EBF2: variants seen among roughly 807,000 people sequenced by gnomAD.
EBF2 encodes the protein EBF transcription factor 2.
In EBF2, 21 loss-of-function variants were observed where a neutral mutation model predicts 72.8. The ratio of observed to expected loss-of-function variants is 0.29; its 90% CI spans 0.20 to 0.42. The LOEUF is 0.42. EBF2 is among the 10% of genes least tolerant of loss of function. EBF2 has a pLI of 1.00. For synonymous variants in EBF2, 299 were observed against 274.2 expected, an observed-to-expected ratio of 1.09 and a Z score of -0.89; for missense variants, 637 against 731.2, an observed-to-expected ratio of 0.87 and a Z score of 1.49.
intron 7 of EBF2, among the ~76,000 whole-genome samples, chr8:25,896,499 T>G (rs1802866055): frequency 6.6e-6 from 1 of 152,192 alleles, no homozygotes; most frequent in Non-Finnish European, 1.5e-5. Context: ...GGAAAAAAAA[T>G]TCTTTATGAC....
chr8:25,876,094 G>A (rs373056554), intron 10 of EBF2, among the ~76,000 whole-genome samples: 39 of 152,332 alleles, frequency 2.6e-4, no homozygotes, highest in African/African-American at 8.9e-4. Flanking sequence ...AAAGGAATGA[G>A]AGCATGTCAT....
intron 10 of EBF2, among the ~76,000 whole-genome samples, chr8:25,866,852 G>A (rs750482526): frequency 1.3e-5 from 2 of 151,376 alleles, no homozygotes; most frequent in African/African-American, 2.4e-5. Flanking sequence ...CGCTGGTCAC[G>A]AACTCCTGAC....
intron 10 of EBF2, among the ~76,000 whole-genome samples, chr8:25,871,305 A>T (rs990143719): frequency 6.6e-6 from 1 of 152,186 alleles, no homozygotes. Context: ...AACTGCCATC[A>T]TCAGTGTTAA....
At position 25,928,220 on chromosome 8, in the gene EBF2, C is replaced by T. The variant is rs1354526073; in HGVS notation, c.552-19665G>A. Among the ~76,000 whole-genome samples the T allele has an allele frequency of 2.0e-5, 3 of 152,156 alleles. No individual in the cohort carries two copies. In the East Asian group the frequency reaches 5.8e-4, roughly 29 times the overall value. ...TGTGGATTCCTGAGACATGTACCCA[C>T]TCTCTTTAGACTGTTGCCATCTAAG... On this transcript the variant is annotated intron_variant, in intron 6 of 15. Transcript: ENST00000520164.
chr8:25,908,488 T>C lies in EBF2; in HGVS notation c.619A>G (p.Met207Val). 3 of 1,613,544 alleles carry C rather than the reference T, an allele frequency of 1.9e-6. No individual in the cohort carries two copies. Among genetic ancestry groups the C allele is most frequent in the South Asian group, 2.2e-5 (2 of 91,012 alleles). Reference protein sequence around the residue: ...CLKTAGNPRDMRRFQVVLSTT... With the variant: ...CLKTAGNPRDVRRFQVVLSTT... ...GGGCCCCTTACCTGAAACCGTCTCA[T>C]GTCCCTTGGGTTTCCTGCTGTTTTC... is the stretch of plus-strand genomic sequence containing the variant. The change falls in exon 7 of 16, where the codon ATG (methionine) becomes GTG (valine). Residue 207 changes from methionine (M) to valine (V), a missense_variant. Transcript: ENST00000520164.
At chr8:26,032,957 G>T in intron 6 of EBF2, 128 bp downstream of exon 6, 1 of 828,898 alleles carries the variant, frequency 1.2e-6, no homozygotes, top group East Asian at 2.5e-5. Context: ...GCCTTTGTTG[G>T]ATGAGCTTAG....
chr8:25,947,277 T>G (rs1803785983), intron 6 of EBF2, among the ~76,000 whole-genome samples: 1 of 152,172 alleles, frequency 6.6e-6, no homozygotes, highest in South Asian at 2.1e-4. Flanking sequence ...AAAGGAGAGT[T>G]CCCCTGCACA....
In EBF2 at chr8:25,868,363, T is replaced by C. The variant is rs143558366; in HGVS notation, c.1010-5566A>G. ...TTAATGTCTTATTTCATCTATCTTT[T>C]TGATCACTTTAACACATCCATTTTT... On this transcript the variant is annotated intron_variant, in intron 10 of 15. Transcript: ENST00000520164. Among the ~76,000 whole-genome samples, 382 of 152,378 alleles carry C rather than the reference T, an allele frequency of 2.5e-3. 4 individuals are homozygous for C. Among genetic ancestry groups the C allele is most frequent in the African/African-American group, 8.7e-3 (360 of 41,590 alleles).
chr8:25,864,530 G>C (rs1331023833), intron 10 of EBF2, among the ~76,000 whole-genome samples: 11 of 150,530 alleles, frequency 7.3e-5, no homozygotes, highest in Non-Finnish European at 1.3e-4. Context: ...ACACACAAAT[G>C]TATATGTACA....
At chr8:26,005,573 G>GAGAGAGAGAA (rs1452363058) in intron 6 of EBF2, among the ~76,000 whole-genome samples, 7 of 50,202 alleles carry the variant, frequency 1.4e-4, no homozygotes, top group African/African-American at 5.9e-4. Flanking sequence ...GAGAGAGAGA[G>GAGAGAGAGAA]AGAGAGGTAT....
At chr8:25,963,057 A>G (rs1804060042) in intron 6 of EBF2, among the ~76,000 whole-genome samples, 1 of 152,184 alleles carries the variant, frequency 6.6e-6, no homozygotes, top group Admixed American at 6.5e-5. Context: ...TAACAAGTCC[A>G]AGGCCTTTGT....
chr8:25,850,069 C>T (rs901456733), intron 15 of EBF2, among the ~76,000 whole-genome samples: 1 of 152,148 alleles, frequency 6.6e-6, no homozygotes, highest in African/African-American at 2.4e-5. Context: ...CCATTACCTG[C>T]AGAGTTTGCT....
chr8:26,019,900 G>C (rs1030020757), intron 6 of EBF2, among the ~76,000 whole-genome samples: 4 of 152,126 alleles, frequency 2.6e-5, no homozygotes, highest in Non-Finnish European at 5.9e-5. Flanking sequence ...GCTTTCCCAG[G>C]GGTTGAGAAG....
chr8:25,916,093 C>A (rs1368733182), intron 6 of EBF2, among the ~76,000 whole-genome samples: 9 of 151,976 alleles, frequency 5.9e-5, no homozygotes, highest in Non-Finnish European at 1.0e-4. Context: ...TGAGACCAGC[C>A]TAGTCAACAT....
At chr8:25,948,442 A>T (rs149618971) in intron 6 of EBF2, among the ~76,000 whole-genome samples, 292 of 152,252 alleles carry the variant, frequency 1.9e-3, no homozygotes, top group African/African-American at 6.0e-3. Flanking sequence ...TTCCCCAGTT[A>T]CAGTGCCTGG....
intron 2 of EBF2, 44 bp from the exon 3 acceptor site, chr8:26,041,046 C>G: frequency 3.7e-6 from 6 of 1,608,718 alleles, no homozygotes; most frequent in Non-Finnish European, 5.1e-6. Context: ...TTTCAGCCCC[C>G]CAAAATGAGG....
chr8:25,865,139 A>G (rs1802287829), intron 10 of EBF2, among the ~76,000 whole-genome samples: 1 of 151,920 alleles, frequency 6.6e-6, no homozygotes, highest in Admixed American at 6.6e-5. Context: ...TTCCAGTTTA[A>G]CCTTAGGGAA....
At chr8:25,885,142 T>C (rs1193311053) in intron 10 of EBF2, among the ~76,000 whole-genome samples, 20 of 152,110 alleles carry the variant, frequency 1.3e-4, no homozygotes, top group Admixed American at 1.3e-3. Context: ...TTACTCTTCG[T>C]TGCACAGAAA....
chr8:25,993,804 G>A (rs913790627), intron 6 of EBF2, among the ~76,000 whole-genome samples: 12 of 152,010 alleles, frequency 7.9e-5, no homozygotes, highest in African/African-American at 2.2e-4. Flanking sequence ...GTCTTTTGGG[G>A]GGGTGGGGGA....
Sources: gnomAD v4.1 joint callset for allele counts (sites outside exome capture counted in the v4.1 genomes callset) on GRCh38, gnomAD v4.1.1 for gene constraint, MANE v1.5 for transcripts, NCBI Gene and HGNC (gene_info 2026-07-23, HGNC 2026-07-21) for gene names.